ERBB4: variants seen among roughly 807,000 people sequenced by gnomAD.
The protein encoded by ERBB4 is erb-b2 receptor tyrosine kinase 4.
A neutral mutation model predicts 158.0 loss-of-function variants in ERBB4; 42 were observed. That is an observed-to-expected ratio of 0.27 (90% confidence interval 0.21 to 0.34). The LOEUF is 0.34. Among genes scored for constraint, ERBB4 ranks in the 10% least tolerant of loss-of-function variants. The pLI, the probability that ERBB4 is intolerant of heterozygous loss-of-function variation, is 1.00. For synonymous variants in ERBB4, 583 were observed against 558.7 expected (o/e 1.04, Z -0.61); for missense variants, 1,333 against 1,624.1 (o/e 0.82, Z 3.08).
intron 16 of ERBB4, among the ~76,000 whole-genome samples, chr2:211,653,900 G>T (rs1365935732): frequency 4.0e-5 from 6 of 151,742 alleles, no homozygotes; most frequent in Admixed American, 1.3e-4. Flanking sequence ...TGTCTCGTTC[G>T]CCTGACCTTG....
chr2:211,916,021 T>G (rs2079679522), intron 3 of ERBB4, among the ~76,000 whole-genome samples: 2 of 151,972 alleles, frequency 1.3e-5, no homozygotes, highest in Admixed American at 1.3e-4. Context: ...TATTTGATTC[T>G]ATGATTCTAT....
intron 19 of ERBB4, among the ~76,000 whole-genome samples, chr2:211,580,525 C>G (rs1488512276): frequency 6.6e-6 from 1 of 151,574 alleles, no homozygotes; most frequent in Non-Finnish European, 1.5e-5. Flanking sequence ...ATGCAGTGAA[C>G]AGGGAACACT....
At chr2:211,812,520 C>T (rs2076782168) in intron 3 of ERBB4, among the ~76,000 whole-genome samples, 1 of 152,198 alleles carries the variant, frequency 6.6e-6, no homozygotes, top group South Asian at 2.1e-4. Context: ...AGGAGGCAGT[C>T]TGTCCATTCT....
At chr2:212,428,084 A>C (rs2091953552) in intron 1 of ERBB4, among the ~76,000 whole-genome samples, 1 of 152,142 alleles carries the variant, frequency 6.6e-6, no homozygotes, top group Admixed American at 6.6e-5. Flanking sequence ...CAAATATATA[A>C]ATAAAACTGA....
At chr2:211,783,385 C>A (rs1342993612) in intron 4 of ERBB4, among the ~76,000 whole-genome samples, 1 of 152,208 alleles carries the variant, frequency 6.6e-6, no homozygotes, top group Non-Finnish European at 1.5e-5. Flanking sequence ...ATGGCCCTGG[C>A]CAGAACTTCC....
At chr2:211,463,057 C>A (rs1293228566) in intron 20 of ERBB4, among the ~76,000 whole-genome samples, 1 of 152,070 alleles carries the variant, frequency 6.6e-6, no homozygotes. Context: ...AAATAATTTA[C>A]CCACCCTAAA....
At chr2:212,064,914 C>T (rs189052669) in intron 2 of ERBB4, among the ~76,000 whole-genome samples, 18 of 151,696 alleles carry the variant, frequency 1.2e-4, no homozygotes, top group African/African-American at 3.4e-4. Context: ...GAGAAACAAA[C>T]ATTGTGATTG....
At chr2:211,613,996 T>C (rs927481575) in intron 19 of ERBB4, among the ~76,000 whole-genome samples, 1 of 152,034 alleles carries the variant, frequency 6.6e-6, no homozygotes, top group African/African-American at 2.4e-5. Flanking sequence ...CTACTTACAA[T>C]AGGTTAGATT....
At chr2:212,423,265 C>T (rs1413694265) in intron 1 of ERBB4, among the ~76,000 whole-genome samples, 1 of 152,068 alleles carries the variant, frequency 6.6e-6, no homozygotes, top group African/African-American at 2.4e-5. Context: ...GTTACAGTCA[C>T]CAAACACAGC....
At chr2:211,721,443 CAAA>C (rs71054136) in intron 7 of ERBB4, among the ~76,000 whole-genome samples, 53 of 54,486 alleles carry the variant, frequency 9.7e-4, no homozygotes, top group Non-Finnish European at 1.2e-3. Context: ...TTACTCAAAG[CAAA>C]AAAAAAAAAA....
At chr2:211,589,215 T>C (rs2068386215) in intron 19 of ERBB4, among the ~76,000 whole-genome samples, 1 of 152,108 alleles carries the variant, frequency 6.6e-6, no homozygotes. Flanking sequence ...TTTTTTTAGA[T>C]TGTAAAATGT....
intron 25 of ERBB4, among the ~76,000 whole-genome samples, chr2:211,415,518 T>TAAA (rs1454614278): frequency 6.6e-6 from 1 of 152,218 alleles, no homozygotes; most frequent in Non-Finnish European, 1.5e-5. Context: ...CAAAATATAA[T>TAAA]AAATCTTACA....
intron 16 of ERBB4, among the ~76,000 whole-genome samples, chr2:211,639,461 G>A (rs2070487488): frequency 6.6e-6 from 1 of 152,146 alleles, no homozygotes; most frequent in Non-Finnish European, 1.5e-5. Context: ...CATAAACACT[G>A]CTCTGTGAAG....
chr2:212,216,569 A>G (rs16847921), intron 1 of ERBB4, among the ~76,000 whole-genome samples: 1 of 151,324 alleles, frequency 6.6e-6, no homozygotes, highest in East Asian at 1.9e-4. Flanking sequence ...TGAAGGGTCT[A>G]TGCCATCAGG....
chr2:211,400,321 CATAAAGAA>C (rs147749622), intron 25 of ERBB4, among the ~76,000 whole-genome samples: 3,030 of 152,132 alleles, frequency 0.02, 54 homozygotes, highest in East Asian at 0.082. Flanking sequence ...TCTCCAGTGA[CATAAAGAA>C]AATACAGCTG....
At chr2:212,007,815 G>C (rs912235485) in intron 2 of ERBB4, among the ~76,000 whole-genome samples, 1 of 151,842 alleles carries the variant, frequency 6.6e-6, no homozygotes, top group Admixed American at 6.6e-5. Context: ...CAATTTCATA[G>C]TTATCTGATA....
intron 12 of ERBB4, among the ~76,000 whole-genome samples, chr2:211,679,594 A>C (rs2072251555): frequency 6.6e-6 from 1 of 152,198 alleles, no homozygotes; most frequent in African/African-American, 2.4e-5. Context: ...GTCCTGAAAC[A>C]AAAAAAGTAT....
chr2:212,402,106 C>G (rs1483928778), intron 1 of ERBB4, among the ~76,000 whole-genome samples: 1 of 152,160 alleles, frequency 6.6e-6, no homozygotes, highest in African/African-American at 2.4e-5. Context: ...AAACTGAAAT[C>G]AGCCCCAATA....
intron 1 of ERBB4, among the ~76,000 whole-genome samples, chr2:212,320,546 T>C (rs1360863122): frequency 6.7e-6 from 1 of 149,034 alleles, no homozygotes; most frequent in Non-Finnish European, 1.5e-5. Context: ...TTCTGGCTAT[T>C]ATATTCTGAG....
Sources: allele counts gnomAD v4.1 joint callset (sites outside exome capture counted in the v4.1 genomes callset), GRCh38; gene constraint gnomAD v4.1.1; transcripts MANE v1.5; gene names NCBI Gene and HGNC (gene_info 2026-07-23, HGNC 2026-07-21).